The following RUFY1 variants were observed in gnomAD, a reference collection of about 807,000 sequenced individuals.
RUFY1 encodes the protein RUN and FYVE domain-containing protein 1.
Under a neutral mutation model 94.6 loss-of-function variants are expected in RUFY1, and 54 were observed. That is an observed-to-expected ratio of 0.57 (90% confidence interval 0.46 to 0.72). The LOEUF is 0.72. RUFY1 is among the 30% of genes least tolerant of loss of function. The pLI, the probability that RUFY1 is intolerant of heterozygous loss-of-function variation, is 0.00. For missense variants in RUFY1, 883 were observed against 883.9 expected (o/e 1.00, Z 0.01); for synonymous variants, 396 against 347.3 (o/e 1.14, Z -1.56).
chr5:179,607,065 G>A (rs116705028), intron 16 of RUFY1: 2,127 of 162,408 alleles, frequency 0.013, 52 homozygotes, highest in African/African-American at 0.046. Context: ...GCTTTGGCCC[G>A]CATGGAGAAG....
chr5:179,607,434 C>A, intron 16 of RUFY1, 148 bp from the exon 17 acceptor site: 1 of 689,432 alleles, frequency 1.5e-6, no homozygotes, highest in South Asian at 1.7e-5. Flanking sequence ...CCCTTGATGA[C>A]AGTCCTGTGA....
At chr5:179,556,375 T>G (rs899489728) in intron 1 of RUFY1, among the ~76,000 whole-genome samples, 1 of 152,192 alleles carries the variant, frequency 6.6e-6, no homozygotes, top group African/African-American at 2.4e-5. Flanking sequence ...TTATTGTGAC[T>G]GAAGCTCTAA....
chr5:179,575,954 G>T (rs1289873817), intron 5 of RUFY1, among the ~76,000 whole-genome samples: 1 of 151,972 alleles, frequency 6.6e-6, no homozygotes, highest in African/African-American at 2.4e-5. Context: ...GCTAATGTTT[G>T]TATTTTTGTG....
At chr5:179,573,047 A>G (rs1182339316) in intron 5 of RUFY1, among the ~76,000 whole-genome samples, 1 of 152,192 alleles carries the variant, frequency 6.6e-6, no homozygotes, top group East Asian at 1.9e-4. Context: ...TTCCACTTTT[A>G]TCATATGTGA....
chr5:179,603,180 G>A lies in RUFY1; in HGVS notation c.1856+1194G>A, dbSNP rs576036816. ...CTCGGGAGGCTGAGACAGCAGCATC[G>A]CTTGAACCCGGGAGGCAGAGGTTGC... On this transcript the variant is annotated intron_variant, in intron 15 of 17. Coordinates refer to ENST00000319449, the MANE Select transcript of RUFY1 (RefSeq NM_025158.5). Among the ~76,000 whole-genome samples the A allele has an allele frequency of 9.2e-5, 14 of 152,030 alleles. No homozygotes were observed. The South Asian group carries it at 1.9e-3, about 20-fold the overall frequency.
At chr5:179,569,507 C>A in intron 5 of RUFY1, 82 bp downstream of exon 5, 1 of 1,398,278 alleles carries the variant, frequency 7.2e-7, no homozygotes, top group Non-Finnish European at 1.0e-6. Flanking sequence ...GTACTGAACC[C>A]AAAGAAGGGC....
At position 179,607,273 on chromosome 5, in the gene RUFY1, A is replaced by C. The variant is rs187781315; in HGVS notation, c.1906-309A>C. The C allele has an allele frequency of 2.5e-5, 10 of 400,554 alleles. No individual in the cohort carries two copies. The East Asian group carries it at 4.2e-4, about 17-fold the overall frequency. The allele number at this position is 400,554 out of a possible 1,614,324, so 24.8% of individuals were successfully genotyped here. A position where few individuals can be genotyped will look rare whatever the true frequency, so the allele number is the denominator to read the frequency against. On this transcript the variant is annotated intron_variant, in intron 16 of 17. Transcript: ENST00000319449. The stretch of plus-strand genomic sequence containing the variant: ...ACCAGAAGCTCGCTCTGCTTACTTC[A>C]GCCAAAGGGAACTGATTGAAAGTGG...
chr5:179,581,063 C>T (rs1173308202), intron 7 of RUFY1, 51 bp downstream of exon 7: 1 of 1,147,836 alleles, frequency 8.7e-7, no homozygotes. Context: ...GGTATCCTGT[C>T]ATTGCTTCAT....
At chr5:179,589,776 G>C (rs1022464286) in intron 9 of RUFY1, 129 bp downstream of exon 9, 2 of 722,530 alleles carry the variant, frequency 2.8e-6, no homozygotes, top group Non-Finnish European at 2.5e-6. Context: ...GTCAGAAAGG[G>C]CCTCTCACTG....
At chr5:179,551,197 T>C (rs1246385345) in intron 1 of RUFY1, among the ~76,000 whole-genome samples, 1 of 152,236 alleles carries the variant, frequency 6.6e-6, no homozygotes, top group Non-Finnish European at 1.5e-5. Context: ...GAGCCAGCAC[T>C]GTTCTGCTTT....
intron 1 of RUFY1, among the ~76,000 whole-genome samples, chr5:179,558,521 G>A (rs1287174198): frequency 6.6e-6 from 1 of 151,138 alleles, no homozygotes; most frequent in Non-Finnish European, 1.5e-5. Flanking sequence ...GCAGTGAGCC[G>A]AGATGGCGCC....
intron 5 of RUFY1, among the ~76,000 whole-genome samples, chr5:179,570,508 G>T (rs1283663922): frequency 1.3e-5 from 2 of 152,220 alleles, no homozygotes; most frequent in Admixed American, 1.3e-4. Context: ...CTTTCTTCCT[G>T]CATAGGAGCT....
chr5:179,609,258 C>T, intron 17 of RUFY1, 118 bp from the exon 18 acceptor site: 1 of 1,009,736 alleles, frequency 9.9e-7, no homozygotes, highest in Non-Finnish European at 1.4e-6. Context: ...CTCACCACCC[C>T]ACAGAAACAT....
At chr5:179,593,794 C>A in intron 11 of RUFY1, 149 bp downstream of exon 11, 1 of 1,282,484 alleles carries the variant, frequency 7.8e-7, no homozygotes, top group Non-Finnish European at 1.0e-6. Flanking sequence ...TTTTGATCCT[C>A]ATGGCAGTCC....
rs59530799 is a variant in RUFY1, at chr5:179,564,119, C to CTTTT, written c.602+1469_602+1472dup. ...TACACAGACGGCGTCCTGATGTTTT[C>CTTTT]TTTTTTTTTTTTTTTTTGAGATAGA... On this transcript the variant is annotated intron_variant, in intron 3 of 17. Transcript: ENST00000319449. Among the ~76,000 whole-genome samples, 908 of 133,512 alleles carry CTTTT rather than the reference C, an allele frequency of 6.8e-3. 10 individuals carry two copies. The highest frequency in any genetic ancestry group is 9.0e-3 in the Non-Finnish European group (571 of 63,690). 87.6% of individuals were successfully genotyped at this position (133,512 alleles called of 152,430 possible).
Position 179,567,476 on chromosome 5 carries a change from AGGCCGAGCGT to A in RUFY1, c.622_631del (p.Arg208PhefsTer14). 2 of 1,613,706 alleles carry A rather than the reference AGGCCGAGCGT, an allele frequency of 1.2e-6. No individual in the cohort carries two copies. Among genetic ancestry groups the A allele is most frequent in the Non-Finnish European group, 1.7e-6 (2 of 1,179,596 alleles). On this transcript the variant is annotated frameshift_variant, in exon 4 of 18. Transcript: ENST00000319449. LOFTEE classifies it high-confidence loss of function. ...TGAATTCTAGGACAGCTGTGGGAAG[AGGCCGAGCGT>A]GGCTTTATCTTGCACTCATGCAAAA...
At position 179,555,934 on chromosome 5, in the gene RUFY1, G is replaced by T; in HGVS notation, c.311-4091G>T. 2 of 183,530 alleles carry T rather than the reference G, an allele frequency of 1.1e-5. 1 individual carries two copies. Among genetic ancestry groups the T allele is most frequent in the South Asian group, 1.6e-4 (2 of 12,478 alleles). The allele number at this position is 183,530 out of a possible 1,614,324, so 11.4% of individuals were successfully genotyped here. A position where few individuals can be genotyped will look rare whatever the true frequency, so the allele number is the denominator to read the frequency against. The stretch of plus-strand genomic sequence containing the variant: ...ACCTCAAGTGACCTGCTCACCTCAA[G>T]TGATCTGCCCACCTCGGCCTCCCAA... On this transcript the variant is annotated intron_variant, in intron 1 of 17. Coordinates refer to ENST00000319449, the MANE Select transcript of RUFY1 (RefSeq NM_025158.5).
intron 14 of RUFY1, chr5:179,599,591 A>G (rs1362446625): frequency 6.6e-6 from 1 of 152,348 alleles, no homozygotes; most frequent in Non-Finnish European, 1.5e-5. Context: ...CTGGCTGTGG[A>G]ACTGGACCTC....
intron 4 of RUFY1, 113 bp downstream of exon 4, chr5:179,567,675 G>A: frequency 1.4e-6 from 1 of 693,664 alleles, no homozygotes; most frequent in South Asian, 1.7e-5. Flanking sequence ...AAGATCAGGT[G>A]GATTGCTTGA....
Sources: gnomAD v4.1 joint callset for allele counts (sites outside exome capture counted in the v4.1 genomes callset) on GRCh38, gnomAD v4.1.1 for gene constraint, MANE v1.5 for transcripts, NCBI Gene and HGNC (gene_info 2026-07-23, HGNC 2026-07-21) for gene names.